The following CRHR2 variants were observed in gnomAD, a reference collection of about 807,000 sequenced individuals.
The protein encoded by CRHR2 is corticotropin releasing hormone receptor 2, also known as corticotropin-releasing hormone receptor 2.
In CRHR2, 53 loss-of-function variants were observed where a neutral mutation model predicts 57.9. The observed-to-expected ratio is 0.92, with a 90% CI of 0.73 to 1.15. The LOEUF is 1.15. CRHR2 is among the 50% of genes most tolerant of loss of function. CRHR2 has a pLI of 0.00. For synonymous variants in CRHR2, 213 were observed against 220.9 expected (o/e 0.96, Z 0.32); for missense variants, 532 against 542.6 (o/e 0.98, Z 0.19).
chr7:30,677,340 A>T (rs1400768669), intron 2 of CRHR2, among the ~76,000 whole-genome samples: 1 of 152,176 alleles, frequency 6.6e-6, no homozygotes, highest in Non-Finnish European at 1.5e-5. Flanking sequence ...ACACACAGAG[A>T]TGGGCTCAGA....
chr7:30,681,195 C>T (rs1476722897), intron 2 of CRHR2, among the ~76,000 whole-genome samples: 1 of 152,122 alleles, frequency 6.6e-6, no homozygotes, highest in African/African-American at 2.4e-5. Flanking sequence ...TCAAGCCAGT[C>T]CATGATTTGC....
intron 1 of CRHR2, among the ~76,000 whole-genome samples, chr7:30,690,600 C>T (rs909084364): frequency 1.6e-4 from 24 of 152,282 alleles, no homozygotes; most frequent in African/African-American, 5.5e-4. Context: ...CCCAGGATGT[C>T]CCCAGGGGCC....
chr7:30,668,905 C>T (rs1483283506), intron 2 of CRHR2, among the ~76,000 whole-genome samples: 1 of 152,228 alleles, frequency 6.6e-6, no homozygotes, highest in East Asian at 1.9e-4. Context: ...AGCCATGGCG[C>T]CCAACTCCCC....
rs117560595 is a variant in CRHR2, at chr7:30,676,710, T to C, written c.229+5205A>G. Among the ~76,000 whole-genome samples the C allele has an allele frequency of 3.3e-5, 5 of 152,320 alleles. No homozygotes were observed. The East Asian group carries it at 9.7e-4, about 29-fold the overall frequency. On this transcript the variant is annotated intron_variant, in intron 2 of 11. Transcript: ENST00000471646. ...AGCCTTTCTTATCACCTCTGACTCT[T>C]AGGGCTGAAGAAGGGATTCCTGCAT...
chr7:30,661,385 G>T (rs2128141468), intron 7 of CRHR2, among the ~76,000 whole-genome samples: 1 of 152,190 alleles, frequency 6.6e-6, no homozygotes, highest in Non-Finnish European at 1.5e-5. Flanking sequence ...GCCTCTGCTT[G>T]GAGCCCTCCT....
intron 1 of CRHR2, among the ~76,000 whole-genome samples, chr7:30,699,119 G>T (rs1785115991): frequency 6.6e-6 from 1 of 152,162 alleles, no homozygotes; most frequent in African/African-American, 2.4e-5. Flanking sequence ...TGAGGCCTAG[G>T]ACAGGTCACC....
At position 30,682,003 on chromosome 7, in the gene CRHR2, G is replaced by T; in HGVS notation, c.141C>A (p.Ile47=). ...YSYCNTTLDQ[I]GTCWPRSAAG... is the part of the protein sequence containing the mutation. ...CAGCGCTGCGGGGCCAGCACGTTCC[G>T]ATCTGGTCCAAGGTCGTGTTGCAGT... Residue 47 remains isoleucine, a synonymous_variant, in exon 2 of 12, where the codon ATC becomes ATA. Transcript: ENST00000471646. 6.2e-7 allele frequency: 1 copy of T among 1,604,522 alleles called. No homozygotes were observed. The highest frequency in any genetic ancestry group is 8.5e-7 in the Non-Finnish European group (1 of 1,176,120).
At chr7:30,668,956 C>T (rs780813578) in intron 2 of CRHR2, among the ~76,000 whole-genome samples, 11 of 152,244 alleles carry the variant, frequency 7.2e-5, no homozygotes, top group Non-Finnish European at 1.5e-4. Flanking sequence ...TCTTTCCTTA[C>T]CAACATTCGT....
Position 30,652,118 on chromosome 7 carries a change from CA to C in CRHR2, c.*1341del, listed in dbSNP as rs1783613373. On this transcript the variant is annotated 3_prime_UTR_variant, in exon 12 of 12. Transcript: ENST00000471646. The surrounding 1 kb of genome is among the most constrained non-coding windows in gnomAD (Gnocchi z 4.4). The stretch of plus-strand genomic sequence containing the variant: ...TTATTTTTGTAGGGGGTACCTAGAG[CA>C]TTGGTTTCTTTTGGAAGAAATGGCC... 1 of 152,194 alleles carries C rather than the reference CA, an allele frequency of 6.6e-6. No homozygotes were observed. The highest frequency in any genetic ancestry group is 1.5e-5 in the Non-Finnish European group (1 of 68,038). The allele number at this position is 152,194 out of a possible 1,614,324, so 9.4% of individuals were successfully genotyped here.
At chr7:30,654,954 G>C in intron 11 of CRHR2, 85 bp downstream of exon 11, 3 of 1,571,424 alleles carry the variant, frequency 1.9e-6, no homozygotes, top group Non-Finnish European at 2.6e-6. Flanking sequence ...ACTCCAGCAA[G>C]GCCGGGCAGC....
rs77113016 is a variant in CRHR2 at position 30,653,465 on chromosome 7, C to T, written c.1231G>A (p.Val411Met). Reference sequence around the variant, plus strand: ...GCAGGTGGGCGACCGAGGGGTCACACAGCGGCCGTCTGCTTGATGCTGTGG... The same window carrying T: ...GCAGGTGGGCGACCGAGGGGTCACATAGCGGCCGTCTGCTTGATGCTGTGG... ...SFHSIKQTAAV is the reference protein window; with the variant it reads ...SFHSIKQTAAM Residue 411 changes from valine to methionine, a missense_variant, in exon 12 of 12, where the codon GTG becomes ATG. By Grantham distance (21) the Val-to-Met change is conservative. Coordinates refer to ENST00000471646, the MANE Select transcript of CRHR2 (RefSeq NM_001883.5). The surrounding 1 kb of genome is among the most constrained non-coding windows in gnomAD (Gnocchi z 5.0). 20,221 of 1,613,284 alleles carry T rather than the reference C, an allele frequency of 0.013. 146 individuals carry two copies. The highest frequency in any genetic ancestry group is 0.015 in the Non-Finnish European group (17,583 of 1,179,772).
In CRHR2 at chr7:30,665,123, C is replaced by T. The variant is rs759910018; in HGVS notation, c.490G>A (p.Val164Ile). ...NLITTFILRN[V>I]MWFLLQLVDH... ...ACGAGCTGCAGCAGGAACCACATGA[C>T]ATTTCGCAGGATAAAGGTGGTGATG... is the stretch of plus-strand genomic sequence containing the variant. The change falls in exon 5 of 12, where the codon GTC becomes ATC. Residue 164 changes from valine (V) to isoleucine (I), a missense_variant. Coordinates refer to ENST00000471646, the MANE Select transcript of CRHR2 (RefSeq NM_001883.5). The surrounding 1 kb of genome is among the most constrained non-coding windows in gnomAD (Gnocchi z 4.5). 2 of 1,613,970 alleles carry T rather than the reference C, an allele frequency of 1.2e-6. No individual in the cohort carries two copies. Among genetic ancestry groups the T allele is most frequent in the African/African-American group, 1.3e-5 (1 of 74,890 alleles).
rs779312834 is a variant in CRHR2, at chr7:30,667,280, G to A, written c.263C>T (p.Thr88Met). The A allele has an allele frequency of 2.5e-5, 40 of 1,614,112 alleles. No individual in the cohort carries two copies. In the East Asian group the frequency reaches 6.9e-4, roughly 28 times the overall value. The change falls in exon 3 of 12, where the codon ACG becomes ATG. Residue 88 changes from threonine (T) to methionine (M), a missense_variant. Thr to Met is a moderately conservative substitution (Grantham distance 81, BLOSUM62 -1). Transcript: ENST00000471646. The stretch of plus-strand genomic sequence containing the variant: ...TGAGTAGTTGATCTTTGAGGCCCAC[G>A]TCCCATTCTCCAAGCATTCTCGATA... ...NAYRECLENG[T>M]WASKINYSQC...
At chr7:30,655,397 G>T (rs1031785819) in intron 10 of CRHR2, among the ~76,000 whole-genome samples, 183 bp downstream of exon 10, 5 of 152,216 alleles carry the variant, frequency 3.3e-5, no homozygotes, top group Non-Finnish European at 7.3e-5. Flanking sequence ...GTAGGATGAA[G>T]ACCCAGGCTG....
intron 2 of CRHR2, among the ~76,000 whole-genome samples, chr7:30,673,075 C>G (rs969534891): frequency 6.6e-6 from 1 of 152,188 alleles, no homozygotes; most frequent in South Asian, 2.1e-4. Context: ...GAAGAGAATA[C>G]CTTAGGGGCC....
exon 1 of CRHR2, chr7:30,700,102 C>A: frequency 9.1e-7 from 1 of 1,095,768 alleles, no homozygotes; most frequent in Non-Finnish European, 1.2e-6. Context: ...CTGGCCAGCC[C>A]CACCCCACCC....
At chr7:30,696,402 C>T (rs995893302) in intron 1 of CRHR2, among the ~76,000 whole-genome samples, 12 of 152,066 alleles carry the variant, frequency 7.9e-5, no homozygotes, top group African/African-American at 2.9e-4. Flanking sequence ...AATATATATA[C>T]CTACTATGTA....
At chr7:30,655,518 T>C (rs535764151) in intron 10 of CRHR2, 62 bp downstream of exon 10, 14 of 1,559,838 alleles carry the variant, frequency 9.0e-6, no homozygotes, top group South Asian at 3.6e-5. Flanking sequence ...AGTGAGGGCA[T>C]GGCTGCCAGA....
chr7:30,686,270 C>T, upstream of CRHR2: 2 of 1,326,112 alleles, frequency 1.5e-6, no homozygotes, highest in Non-Finnish European at 1.9e-6. Context: ...TTCATTGTCT[C>T]ATCTACCAGC....
Sources: gnomAD v4.1 joint callset for allele counts (sites outside exome capture counted in the v4.1 genomes callset) on GRCh38, gnomAD v4.1.1 for gene constraint, Gnocchi (gnomAD v3.1) non-coding constraint, MANE v1.5 for transcripts, NCBI Gene and HGNC (gene_info 2026-07-23, HGNC 2026-07-21) for gene names.